Variants in NUP210L observed in about 807,000 individuals in gnomAD.
NUP210L encodes nucleoporin 210 like, also known as nuclear pore membrane glycoprotein 210-like.
A neutral mutation model predicts 208.5 loss-of-function variants in NUP210L; 74 were observed. The observed-to-expected ratio is 0.35, with a 90% CI of 0.29 to 0.43. The LOEUF (loss-of-function observed/expected upper bound fraction) is 0.43, where lower values mean the gene tolerates loss of function less well. Among genes scored for constraint, NUP210L ranks in the 20% least tolerant of loss-of-function variants. The pLI is 1.00. For missense variants in NUP210L, 1,843 were observed against 2,289.4 expected (o/e 0.81, Z 3.98); for synonymous variants, 780 against 816.9 (o/e 0.95, Z 0.77).
chr1:154,029,982 T>C, exon 28 of NUP210L: 1 of 1,612,316 alleles, frequency 6.2e-7, no homozygotes, highest in Non-Finnish European at 8.5e-7. Flanking sequence ...GTGACCTTGA[T>C]ACTGGTCCTG....
intron 16 of NUP210L, among the ~76,000 whole-genome samples, chr1:154,077,579 C>T (rs111560584): frequency 7.4e-4 from 113 of 152,104 alleles, no homozygotes; most frequent in African/African-American, 2.1e-3. Flanking sequence ...TAGACAATAG[C>T]TTGAATCACC....
intron 16 of NUP210L, among the ~76,000 whole-genome samples, chr1:154,082,838 G>A (rs1259519244): frequency 1.3e-5 from 2 of 152,166 alleles, no homozygotes; most frequent in Admixed American, 6.6e-5. Flanking sequence ...AAGGTGGCAC[G>A]TCTGGACTTG....
chr1:154,023,180 T>C (rs1651662969), exon 31 of NUP210L: 5 of 1,614,052 alleles, frequency 3.1e-6, no homozygotes, highest in Non-Finnish European at 4.2e-6. Flanking sequence ...CCGATACTAT[T>C]ATAAAACTGA....
intron 12 of NUP210L, among the ~76,000 whole-genome samples, chr1:154,113,763 C>T (rs1012332175): frequency 1.4e-5 from 2 of 145,758 alleles, no homozygotes; most frequent in Non-Finnish European, 3.0e-5. Context: ...GAGGCTGAAG[C>T]AGGAGAATCG....
At chr1:154,141,977 C>T (rs1658872552) in intron 3 of NUP210L, among the ~76,000 whole-genome samples, 1 of 152,052 alleles carries the variant, frequency 6.6e-6, no homozygotes, top group Admixed American at 6.6e-5. Flanking sequence ...ACCTGGGCAA[C>T]ATAGTGACAC....
intron 22 of NUP210L, 24 bp from the exon 23 acceptor site, chr1:154,056,971 G>C: frequency 1.2e-6 from 2 of 1,603,062 alleles, no homozygotes; most frequent in Non-Finnish European, 1.7e-6. Flanking sequence ...TGTATTTTCA[G>C]GTGAGAAAGA....
chr1:154,057,901 G>T (rs376101356), intron 22 of NUP210L, among the ~76,000 whole-genome samples, 188 bp downstream of exon 22: 2 of 152,092 alleles, frequency 1.3e-5, no homozygotes, highest in East Asian at 3.8e-4. Flanking sequence ...GTACCCTCAC[G>T]CCAGGCTCAA....
chr1:154,089,711 T>C (rs1428989317), intron 15 of NUP210L, 117 bp from the exon 16 acceptor site: 4 of 784,528 alleles, frequency 5.1e-6, no homozygotes, highest in Non-Finnish European at 8.4e-6. Flanking sequence ...TTTCACATTA[T>C]AATCCGGCAA....
At chr1:154,030,245 A>G (rs1183555795) in intron 27 of NUP210L, among the ~76,000 whole-genome samples, 191 bp from the exon 28 acceptor site, 1 of 152,100 alleles carries the variant, frequency 6.6e-6, no homozygotes, top group African/African-American at 2.4e-5. Context: ...GGGTGCACCA[A>G]AATCTCACAA....
At chr1:154,125,747 G>A (rs1376334287) in intron 10 of NUP210L, among the ~76,000 whole-genome samples, 8 of 18,618 alleles carry the variant, frequency 4.3e-4, no homozygotes, top group Non-Finnish European at 7.3e-4. Flanking sequence ...GGGAGGGAGG[G>A]AAATGTTTTT....
At chr1:154,037,060 G>T (rs1228336081) in intron 27 of NUP210L, among the ~76,000 whole-genome samples, 2 of 152,152 alleles carry the variant, frequency 1.3e-5, no homozygotes, top group African/African-American at 4.8e-5. Context: ...CACAATGACT[G>T]GCCAAAATTT....
At chr1:154,148,801 A>T (rs1223498386) in intron 2 of NUP210L, among the ~76,000 whole-genome samples, 3 of 152,182 alleles carry the variant, frequency 2.0e-5, no homozygotes, top group Admixed American at 2.0e-4. Context: ...CAACAAGGTA[A>T]GTTGAAATCT....
chr1:154,006,908 A>G (rs1449184716), intron 35 of NUP210L, among the ~76,000 whole-genome samples: 1 of 138,408 alleles, frequency 7.2e-6, no homozygotes, highest in African/African-American at 2.6e-5. Flanking sequence ...ACATATATAT[A>G]CACATATACA....
At chr1:154,028,602 T>A (rs1003887223) in intron 28 of NUP210L, among the ~76,000 whole-genome samples, 1 of 151,824 alleles carries the variant, frequency 6.6e-6, no homozygotes, top group Non-Finnish European at 1.5e-5. Context: ...AAATAAATAA[T>A]TAAATAAAAA....
chr1:154,114,541 C>T (rs1026478393), intron 12 of NUP210L, among the ~76,000 whole-genome samples: 3 of 152,116 alleles, frequency 2.0e-5, no homozygotes, highest in African/African-American at 4.8e-5. Flanking sequence ...CACTTAGATG[C>T]TCCATAGGTG....
intron 3 of NUP210L, 102 bp downstream of exon 3, chr1:154,143,344 C>G (rs1176472285): frequency 3.3e-6 from 3 of 897,622 alleles, no homozygotes; most frequent in Non-Finnish European, 5.2e-6. Flanking sequence ...GATATTACTT[C>G]TAATCTACTT....
intron 16 of NUP210L, 45 bp from the exon 17 acceptor site, chr1:154,070,510 T>G: frequency 8.0e-7 from 1 of 1,254,226 alleles, no homozygotes; most frequent in Non-Finnish European, 1.1e-6. Context: ...TAAAAATCAA[T>G]AGCCTAAGGG....
chr1:154,060,344 G>A (rs1265400326), intron 20 of NUP210L, among the ~76,000 whole-genome samples, 196 bp downstream of exon 20: 3 of 152,140 alleles, frequency 2.0e-5, no homozygotes, highest in East Asian at 3.8e-4. Flanking sequence ...TTCTAACTGA[G>A]ATCTCTTATA....
chr1:154,031,395 A>C (rs1192461828), intron 27 of NUP210L, among the ~76,000 whole-genome samples: 1 of 152,006 alleles, frequency 6.6e-6, no homozygotes, highest in Non-Finnish European at 1.5e-5. Flanking sequence ...TGGCCTAGTT[A>C]TTTTAAAATA....
Sources: allele counts gnomAD v4.1 joint callset (sites outside exome capture counted in the v4.1 genomes callset), GRCh38; gene constraint gnomAD v4.1.1; transcripts MANE v1.5; gene names NCBI Gene and HGNC (gene_info 2026-07-23, HGNC 2026-07-21).